The following PCDH15 variants were observed in gnomAD, a reference collection of about 807,000 sequenced individuals.
PCDH15 encodes protocadherin related 15, also known as protocadherin-15.
A neutral mutation model predicts 178.5 loss-of-function variants in PCDH15; 129 were observed. The ratio of observed to expected loss-of-function variants is 0.72; its 90% CI spans 0.63 to 0.84. The LOEUF (loss-of-function observed/expected upper bound fraction) is 0.84. PCDH15 is among the 40% of genes least tolerant of loss of function. The pLI is 0.00. For missense variants in PCDH15, 2,230 were observed against 2,099.9 expected, an observed-to-expected ratio of 1.06 and a Z score of -1.21; for synonymous variants, 800 against 732.0, an observed-to-expected ratio of 1.09 and a Z score of -1.50.
intron 3 of PCDH15, among the ~76,000 whole-genome samples, chr10:54,480,825 CAA>C (rs1397787243): frequency 6.6e-6 from 1 of 151,882 alleles, no homozygotes; most frequent in Non-Finnish European, 1.5e-5. Flanking sequence ...ATTCTGAAGA[CAA>C]GTGTTCCTTT....
At chr10:54,486,844 T>C (rs2079144808) in intron 3 of PCDH15, among the ~76,000 whole-genome samples, 1 of 151,964 alleles carries the variant, frequency 6.6e-6, no homozygotes, top group Admixed American at 6.6e-5. Flanking sequence ...CCATTCTCTT[T>C]CTTGGGACTC....
In PCDH15 at chr10:55,402,695, A is replaced by T. The variant is rs79313185; in HGVS notation, c.-156+224930T>A. Among the ~76,000 whole-genome samples, 1,204 of 152,090 alleles carry T rather than the reference A, an allele frequency of 7.9e-3. 15 individuals carry two copies. Among genetic ancestry groups the T allele is most frequent in the African/African-American group, 0.026 (1,082 of 41,538 alleles). The stretch of plus-strand genomic sequence containing the variant: ...TGAATAAAATTTCATCATGTATATA[A>T]ACCATATATTGTTTTTCCATTTATC... On this transcript the variant is annotated intron_variant, in intron 2 of 5. Transcript: ENST00000613346.
At chr10:54,749,860 G>T (rs769137887) in intron 1 of PCDH15, among the ~76,000 whole-genome samples, 66 of 152,112 alleles carry the variant, frequency 4.3e-4, no homozygotes, top group Admixed American at 2.0e-4. Context: ...GCTCTGTAAA[G>T]TTAAGAGCAT....
chr10:54,689,020 A>C (rs149784089), intron 1 of PCDH15, among the ~76,000 whole-genome samples: 1 of 152,222 alleles, frequency 6.6e-6, no homozygotes, highest in African/African-American at 2.4e-5. Context: ...CTCAAAAAGT[A>C]ATTCAATATT....
chr10:54,732,230 C>G (rs564685854), intron 1 of PCDH15, among the ~76,000 whole-genome samples: 7 of 151,274 alleles, frequency 4.6e-5, no homozygotes, highest in African/African-American at 1.7e-4. Flanking sequence ...AGACTTCTAG[C>G]TAAATGATCG....
chr10:54,649,668 A>T (rs1349146384), intron 2 of PCDH15, among the ~76,000 whole-genome samples: 13 of 151,950 alleles, frequency 8.6e-5, no homozygotes, highest in Admixed American at 4.6e-4. Flanking sequence ...TGTGTGTGTG[A>T]GTAAATTTTT....
intron 2 of PCDH15, among the ~76,000 whole-genome samples, chr10:55,489,070 C>A (rs913513000): frequency 1.3e-5 from 2 of 151,420 alleles, no homozygotes; most frequent in Non-Finnish European, 3.0e-5. Context: ...TTTCCATATA[C>A]TCAACTCAAT....
At chr10:54,280,718 G>A (rs2058643687) in intron 8 of PCDH15, among the ~76,000 whole-genome samples, 1 of 151,584 alleles carries the variant, frequency 6.6e-6, no homozygotes, top group Admixed American at 6.6e-5. Flanking sequence ...TCTCCCTCAA[G>A]TGGACACTGT....
Position 54,020,720 on chromosome 10 carries a change from A to G in PCDH15, c.2527-304T>C, listed in dbSNP as rs530544681. On this transcript the variant is annotated intron_variant, in intron 19 of 37. Coordinates refer to ENST00000644397, the MANE Select transcript of PCDH15 (RefSeq NM_001384140.1). Reference sequence around the variant, plus strand: ...TTGTCATTGTTGACGTTATTACTGTATCTGTTTAACTTGAAAAATCACTAA... The same window carrying G: ...TTGTCATTGTTGACGTTATTACTGTGTCTGTTTAACTTGAAAAATCACTAA... Among the ~76,000 whole-genome samples the G allele has an allele frequency of 4.6e-5, 7 of 151,846 alleles. No individual in the cohort carries two copies. In the South Asian group the frequency reaches 1.5e-3, roughly 32 times the overall value.
At chr10:53,825,267 T>C (rs1254246307) in intron 32 of PCDH15, 11 of 1,144,888 alleles carry the variant, frequency 9.6e-6, no homozygotes, top group Non-Finnish European at 1.3e-5. Flanking sequence ...TTAGTACGTA[T>C]ATCAAAAAAA....
At chr10:54,999,435 G>T (rs190713331) in intron 2 of PCDH15, among the ~76,000 whole-genome samples, 1 of 152,166 alleles carries the variant, frequency 6.6e-6, no homozygotes, top group Non-Finnish European at 1.5e-5. Flanking sequence ...AATTTGAGTT[G>T]GTTTTTGATC....
chr10:54,293,483 A>G (rs866752022), intron 8 of PCDH15, among the ~76,000 whole-genome samples: 1 of 152,192 alleles, frequency 6.6e-6, no homozygotes. Context: ...GAATTAAACT[A>G]AAGAGCTTCT....
chr10:54,184,532 T>C (rs571606627), intron 12 of PCDH15, among the ~76,000 whole-genome samples: 145 of 152,156 alleles, frequency 9.5e-4, no homozygotes, highest in Non-Finnish European at 1.7e-3. Flanking sequence ...TTACTTTTTT[T>C]CCCCCTTGAT....
At chr10:55,189,792 A>C (rs1032727271) in intron 1 of PCDH15, among the ~76,000 whole-genome samples, 4 of 151,812 alleles carry the variant, frequency 2.6e-5, no homozygotes, top group Non-Finnish European at 5.9e-5. Context: ...ATTGGGGTAA[A>C]TGGAGTTCTT....
At chr10:53,895,277 C>CT (rs1362656043) in intron 26 of PCDH15, among the ~76,000 whole-genome samples, 1 of 152,110 alleles carries the variant, frequency 6.6e-6, no homozygotes, top group Non-Finnish European at 1.5e-5. Context: ...ATGACTGTGG[C>CT]TTTTTTCTAT....
At chr10:53,848,577 TG>T (rs2132886970) in intron 28 of PCDH15, among the ~76,000 whole-genome samples, 1 of 152,110 alleles carries the variant, frequency 6.6e-6, no homozygotes, top group Non-Finnish European at 1.5e-5. Context: ...TGTCTGGAAA[TG>T]TTTTTTTCCT....
chr10:55,458,360 G>C (rs1839599348), intron 2 of PCDH15, among the ~76,000 whole-genome samples: 1 of 152,058 alleles, frequency 6.6e-6, no homozygotes, highest in Admixed American at 6.6e-5. Context: ...TACAGTGAAA[G>C]AGTTAACCCA....
chr10:54,538,186 T>C (rs988075089), intron 2 of PCDH15, among the ~76,000 whole-genome samples: 1 of 152,178 alleles, frequency 6.6e-6, no homozygotes, highest in Admixed American at 6.5e-5. Flanking sequence ...AAATTCTTTG[T>C]AAATGCAAAC....
chr10:54,086,359 G>A (rs1234912247), intron 16 of PCDH15, among the ~76,000 whole-genome samples: 7 of 152,056 alleles, frequency 4.6e-5, no homozygotes, highest in East Asian at 1.9e-4. Flanking sequence ...ATTCATAAGC[G>A]GTCTGCCTCC....
Sources: allele counts gnomAD v4.1 joint callset (sites outside exome capture counted in the v4.1 genomes callset), GRCh38; gene constraint gnomAD v4.1.1; transcripts MANE v1.5; gene names NCBI Gene and HGNC (gene_info 2026-07-23, HGNC 2026-07-21).